Variants in ST6GALNAC3 observed in about 807,000 individuals in gnomAD.
ST6GALNAC3 encodes alpha-N-acetylgalactosaminide alpha-2,6-sialyltransferase 3.
In ST6GALNAC3, 25 loss-of-function variants were observed where a neutral mutation model predicts 32.7. That is an observed-to-expected ratio of 0.76 (90% CI 0.56 to 1.07). ST6GALNAC3 has a LOEUF of 1.07. Ranked by LOEUF, ST6GALNAC3 falls within the 50% of genes least tolerant of loss-of-function variation. The pLI is 0.00. For missense variants in ST6GALNAC3, 355 were observed against 382.4 expected, an observed-to-expected ratio of 0.93 and a Z score of 0.60; for synonymous variants, 129 against 133.1, an observed-to-expected ratio of 0.97 and a Z score of 0.21.
intron 1 of ST6GALNAC3, among the ~76,000 whole-genome samples, chr1:76,219,097 G>A (rs776501432): frequency 5.9e-5 from 9 of 152,152 alleles, no homozygotes; most frequent in Admixed American, 1.3e-4. Context: ...TTGAACCTAC[G>A]GAGATTCTCT....
chr1:76,613,017 A>C (rs1425242835), intron 3 of ST6GALNAC3, among the ~76,000 whole-genome samples: 1 of 152,180 alleles, frequency 6.6e-6, no homozygotes, highest in Non-Finnish European at 1.5e-5. Flanking sequence ...AAGTGGGTGC[A>C]TGGGGGCAAC....
At position 76,248,508 on chromosome 1, in the gene ST6GALNAC3, T is replaced by A. The variant is rs141427466; in HGVS notation, c.19-65297T>A. On this transcript the variant is annotated intron_variant, in intron 1 of 4. Transcript: ENST00000328299. ...TATTTAAAGACCTTTCCTTAGCTAA[T>A]GCTTTTCTTTAATCAAATCACCGCC... 1.5e-3 allele frequency among the ~76,000 whole-genome samples: 234 copies of A among 152,294 alleles called. 1 individual carries two copies. The highest frequency in any genetic ancestry group is 4.9e-3 in the African/African-American group (205 of 41,566).
chr1:76,490,916 T>C (rs540173815), intron 3 of ST6GALNAC3, among the ~76,000 whole-genome samples: 124 of 151,904 alleles, frequency 8.2e-4, no homozygotes, highest in Admixed American at 1.6e-3. Flanking sequence ...TGGAGTGCAA[T>C]GGCGTGATCT....
intron 3 of ST6GALNAC3, among the ~76,000 whole-genome samples, chr1:76,603,521 C>A (rs916885149): frequency 7.9e-5 from 12 of 152,102 alleles, no homozygotes; most frequent in African/African-American, 2.9e-4. Context: ...CTCACAAAAC[C>A]AAATATTTTG....
At chr1:76,503,927 T>C (rs948532591) in intron 3 of ST6GALNAC3, among the ~76,000 whole-genome samples, 9 of 152,196 alleles carry the variant, frequency 5.9e-5, no homozygotes, top group Admixed American at 5.9e-4. Context: ...TATTGGACAT[T>C]CTTCCCCAGG....
At chr1:76,511,104 A>AG (rs201133483) in intron 3 of ST6GALNAC3, among the ~76,000 whole-genome samples, 3,132 of 152,226 alleles carry the variant, frequency 0.021, 37 homozygotes, top group Non-Finnish European at 0.031. Flanking sequence ...ACTGTAGTTC[A>AG]GGACATCAGG....
intron 2 of ST6GALNAC3, among the ~76,000 whole-genome samples, chr1:76,405,114 A>G (rs1197396546): frequency 6.6e-6 from 1 of 152,124 alleles, no homozygotes; most frequent in African/African-American, 2.4e-5. Flanking sequence ...TTGAAGGTAT[A>G]GAATTAGCAG....
At chr1:76,557,364 C>T (rs1664990348) in intron 3 of ST6GALNAC3, among the ~76,000 whole-genome samples, 1 of 151,964 alleles carries the variant, frequency 6.6e-6, no homozygotes, top group South Asian at 2.1e-4. Flanking sequence ...TGCTGGGTCC[C>T]TTGAATTTCC....
In ST6GALNAC3 at chr1:76,630,691, T is replaced by A. The variant is rs143054477; in HGVS notation, c.*1885T>A. The stretch of plus-strand genomic sequence containing the variant: ...GATAAAGGCCTTTTGCCTACTCTCT[T>A]CTGCAATTTTGACACCTCAATATTC... On this transcript the variant is annotated 3_prime_UTR_variant, in exon 5 of 5. Transcript: ENST00000328299. The A allele has an allele frequency of 2.2e-5, 22 of 985,632 alleles. No individual in the cohort carries two copies. In the African/African-American group the frequency reaches 3.3e-4, roughly 15 times the overall value. The allele number at this position is 985,632 out of a possible 1,614,324, so 61.1% of individuals were successfully genotyped here.
intron 3 of ST6GALNAC3, among the ~76,000 whole-genome samples, chr1:76,496,725 G>A (rs189980532): frequency 6.7e-4 from 102 of 152,206 alleles, no homozygotes; most frequent in Non-Finnish European, 1.0e-3. Context: ...AGCAGTGAAG[G>A]TTCCTTAATG....
intron 3 of ST6GALNAC3, among the ~76,000 whole-genome samples, chr1:76,437,796 G>C (rs1461507161): frequency 6.6e-6 from 1 of 151,596 alleles, no homozygotes; most frequent in Non-Finnish European, 1.5e-5. Flanking sequence ...GGACGGTCTC[G>C]ATCTCTTGAC....
At chr1:76,237,219 T>C (rs1656705485) in intron 1 of ST6GALNAC3, among the ~76,000 whole-genome samples, 2 of 152,160 alleles carry the variant, frequency 1.3e-5, no homozygotes, top group Non-Finnish European at 1.5e-5. Context: ...CTGCAACATC[T>C]GTCTCTTGGG....
chr1:76,572,825 C>A (rs1646731228), intron 3 of ST6GALNAC3, among the ~76,000 whole-genome samples: 1 of 152,030 alleles, frequency 6.6e-6, no homozygotes, highest in Non-Finnish European at 1.5e-5. Flanking sequence ...AATTTTTCAG[C>A]TTGTCAAAGG....
intron 1 of ST6GALNAC3, 122 bp from the exon 2 acceptor site, chr1:76,313,683 C>A: frequency 9.5e-7 from 1 of 1,053,036 alleles, no homozygotes; most frequent in Non-Finnish European, 1.5e-6. Context: ...GTAAAATATG[C>A]TGAATGACAG....
chr1:76,590,913 T>A (rs764098286), intron 3 of ST6GALNAC3, among the ~76,000 whole-genome samples: 3 of 152,212 alleles, frequency 2.0e-5, no homozygotes, highest in African/African-American at 7.2e-5. Context: ...ATTCAATAAA[T>A]ATGCATTGAG....
At chr1:76,463,407 C>G (rs987206791) in intron 3 of ST6GALNAC3, among the ~76,000 whole-genome samples, 5 of 152,168 alleles carry the variant, frequency 3.3e-5, no homozygotes, top group Non-Finnish European at 5.9e-5. Context: ...GGAGATAAGA[C>G]AGTTTTGACT....
chr1:76,345,026 G>A (rs1289738722), intron 2 of ST6GALNAC3, among the ~76,000 whole-genome samples: 1 of 152,108 alleles, frequency 6.6e-6, no homozygotes, highest in Non-Finnish European at 1.5e-5. Flanking sequence ...CAGGTTCCTT[G>A]GCTGTGGCTT....
intron 3 of ST6GALNAC3, among the ~76,000 whole-genome samples, chr1:76,495,111 T>C (rs1400358278): frequency 6.6e-6 from 1 of 152,106 alleles, no homozygotes; most frequent in East Asian, 1.9e-4. Flanking sequence ...CTGATTCAAA[T>C]GTTAATCTCC....
chr1:76,549,785 A>G (rs1281720700), intron 3 of ST6GALNAC3, among the ~76,000 whole-genome samples: 1 of 152,208 alleles, frequency 6.6e-6, no homozygotes, highest in Admixed American at 6.5e-5. Flanking sequence ...TCTACAAAAC[A>G]GTTGTGCCAA....
Sources: allele counts gnomAD v4.1 joint callset (sites outside exome capture counted in the v4.1 genomes callset), GRCh38; gene constraint gnomAD v4.1.1; transcripts MANE v1.5; gene names NCBI Gene and HGNC (gene_info 2026-07-23, HGNC 2026-07-21).